Variants in L2HGDH observed in about 807,000 individuals in gnomAD.
The protein encoded by L2HGDH is L-2-hydroxyglutarate dehydrogenase, mitochondrial.
L2HGDH carries 34 observed loss-of-function variants against 51.5 expected under a neutral mutation model. The ratio of observed to expected loss-of-function variants is 0.66; its 90% CI spans 0.50 to 0.88. L2HGDH has a LOEUF of 0.88. Among genes scored for constraint, L2HGDH ranks in the 40% least tolerant of loss-of-function variants. The pLI is 0.00. For synonymous variants in L2HGDH, 198 were observed against 197.9 expected (o/e 1.00, Z -0.01); for missense variants, 558 against 571.9 (o/e 0.98, Z 0.25).
chr14:50,282,465 T>A (rs1316725356), intron 5 of L2HGDH: 2 of 455,930 alleles, frequency 4.4e-6, no homozygotes, highest in Admixed American at 2.3e-5. Flanking sequence ...GCTTTCCACC[T>A]GACATCTTTG....
intron 5 of L2HGDH, among the ~76,000 whole-genome samples, chr14:50,279,799 G>A (rs1296907484): frequency 6.6e-6 from 1 of 152,194 alleles, no homozygotes; most frequent in Non-Finnish European, 1.5e-5. Context: ...GGTGGCTTAC[G>A]CCTGTAACCC....
intron 5 of L2HGDH, chr14:50,282,350 C>A (rs1340159671): frequency 4.7e-6 from 2 of 424,686 alleles, no homozygotes; most frequent in East Asian, 1.4e-4. Flanking sequence ...CTTTCCTAGT[C>A]CAGCCTCTTA....
Position 50,302,061 on chromosome 14 carries a change from C to T in L2HGDH, c.364G>A (p.Glu122Lys), listed in dbSNP as rs758181319. Reference sequence around the variant, plus strand: ...GAAATTCCCTTTTGCTGACAGTACTCATAGAGGAGGGCTGCACCTTGTACA... The same window carrying T: ...GAAATTCCCTTTTGCTGACAGTACTTATAGAGGAGGGCTGCACCTTGTACA... ...LCVQGAALLY[E>K]YCQQKGISYK... Residue 122 changes from glutamate (E) to lysine (K), a missense_variant, in exon 3 of 10, where the codon GAG becomes AAG. By Grantham distance (56) the Glu-to-Lys change is moderately conservative. Transcript: ENST00000267436. The T allele has an allele frequency of 1.1e-5, 17 of 1,614,144 alleles. No individual in the cohort carries two copies. Among genetic ancestry groups the T allele is most frequent in the Non-Finnish European group, 1.4e-5 (17 of 1,180,034 alleles).
chr14:50,311,536 C>A, intron 1 of L2HGDH: 1 of 449,652 alleles, frequency 2.2e-6, no homozygotes, highest in Non-Finnish European at 4.5e-6. Flanking sequence ...GAGCTGCCTC[C>A]GACGGGGGCA....
chr14:50,300,525 C>T (rs1291664992), intron 3 of L2HGDH, among the ~76,000 whole-genome samples: 1 of 152,036 alleles, frequency 6.6e-6, no homozygotes, highest in African/African-American at 2.4e-5. Flanking sequence ...GAACTCCTGA[C>T]CTCAAGTGAT....
Position 50,244,676 on chromosome 14 carries a change from A to G in L2HGDH, c.*2382T>C. The stretch of plus-strand genomic sequence containing the variant: ...TTACCTGGGATGTGCTACTTCTTAA[A>G]CATGAGCTGATGAAGTGTAGCCTTT... On this transcript the variant is annotated 3_prime_UTR_variant, in exon 10 of 10. Coordinates refer to ENST00000267436, the MANE Select transcript of L2HGDH (RefSeq NM_024884.3). 3.0e-6 allele frequency: 3 copies of G among 985,440 alleles called. No individual in the cohort carries two copies. The highest frequency in any genetic ancestry group is 3.6e-6 in the Non-Finnish European group (3 of 829,930). The allele number at this position is 985,440 out of a possible 1,614,324, so 61.0% of individuals were successfully genotyped here.
intron 9 of L2HGDH, among the ~76,000 whole-genome samples, chr14:50,261,028 A>G (rs1457643254): frequency 2.0e-5 from 3 of 152,080 alleles, no homozygotes; most frequent in Non-Finnish European, 4.4e-5. Flanking sequence ...AAGTCAGGAG[A>G]ATCGCTTGAA....
At chr14:50,303,432 C>T (rs1031667001) in intron 1 of L2HGDH, among the ~76,000 whole-genome samples, 1 of 149,200 alleles carries the variant, frequency 6.7e-6, no homozygotes, top group African/African-American at 2.5e-5. Flanking sequence ...ATGTATTGGG[C>T]CCTGTGCTGT....
intron 6 of L2HGDH, among the ~76,000 whole-genome samples, chr14:50,276,684 C>T (rs771432811): frequency 5.9e-5 from 9 of 152,200 alleles, no homozygotes; most frequent in Non-Finnish European, 1.3e-4. Context: ...AGTAAGAAGG[C>T]AGCCATTAAC....
chr14:50,287,992 C>T (rs12436501), intron 4 of L2HGDH, among the ~76,000 whole-genome samples: 55,050 of 151,890 alleles, frequency 0.36, 10,736 homozygotes, highest in East Asian at 0.65. Flanking sequence ...GCCACCATGC[C>T]CAGCCAATAG....
At position 50,244,846 on chromosome 14, in the gene L2HGDH, G is replaced by A; in HGVS notation, c.*2212C>T. 1.0e-6 allele frequency: 1 copy of A among 985,380 alleles called. No individual in the cohort carries two copies. The highest frequency in any genetic ancestry group is 1.7e-5 in the African/African-American group (1 of 57,314). The allele number at this position is 985,380 out of a possible 1,614,324, so 61.0% of individuals were successfully genotyped here. A position where few individuals can be genotyped will look rare whatever the true frequency, so the allele number is the denominator to read the frequency against. ...ATCATACAGCTTTGGAGAGCTAAGA[G>A]GAAAGAAGACATACACAGTAGAAGA... On this transcript the variant is annotated 3_prime_UTR_variant, in exon 10 of 10. Transcript: ENST00000267436.
chr14:50,249,123 C>T (rs1888180792), intron 9 of L2HGDH, among the ~76,000 whole-genome samples: 1 of 152,212 alleles, frequency 6.6e-6, no homozygotes, highest in African/African-American at 2.4e-5. Context: ...GGACCTGCCC[C>T]AGCTAGACAG....
intron 9 of L2HGDH, among the ~76,000 whole-genome samples, chr14:50,260,124 G>A (rs1040669898): frequency 1.3e-5 from 2 of 152,066 alleles, no homozygotes; most frequent in African/African-American, 2.4e-5. Flanking sequence ...GCACTTTGAG[G>A]GATTCTAGAT....
rs749417245 is a variant in L2HGDH, at chr14:50,278,515, T to C, written c.738+5A>G. On this transcript the variant is annotated splice_donor_5th_base_variant and intron_variant, in intron 6 of 9. Coordinates refer to ENST00000267436, the MANE Select transcript of L2HGDH (RefSeq NM_024884.3). ...TAGCCAGCAGTTTTGCTTAAGAATC[T>C]TTACCTTTGTATTCTTTATAACAAT... 3 of 1,488,584 alleles carry C rather than the reference T, an allele frequency of 2.0e-6. No individual in the cohort carries two copies. The allele number at this position is 1,488,584 out of a possible 1,614,324, so 92.2% of individuals were successfully genotyped here.
At chr14:50,306,540 T>C (rs568117312) in intron 1 of L2HGDH, among the ~76,000 whole-genome samples, 6 of 152,032 alleles carry the variant, frequency 3.9e-5, no homozygotes, top group African/African-American at 1.2e-4. Context: ...TTGACTTCCA[T>C]AATAATGCTT....
At chr14:50,266,734 T>C (rs927101318) in intron 8 of L2HGDH, among the ~76,000 whole-genome samples, 13 of 152,218 alleles carry the variant, frequency 8.5e-5, no homozygotes, top group African/African-American at 3.1e-4. Flanking sequence ...CATCCTAAAC[T>C]TTCTGTTTCA....
intron 5 of L2HGDH, among the ~76,000 whole-genome samples, chr14:50,279,917 G>A (rs1890170031): frequency 6.6e-6 from 1 of 151,680 alleles, no homozygotes; most frequent in South Asian, 2.1e-4. Context: ...AAAATTAGCT[G>A]GGCATGGTGG....
intron 8 of L2HGDH, among the ~76,000 whole-genome samples, 197 bp from the exon 9 acceptor site, chr14:50,265,686 G>T (rs1410439893): frequency 6.6e-6 from 1 of 152,150 alleles, no homozygotes; most frequent in Non-Finnish European, 1.5e-5. Flanking sequence ...GGTCAAGGCG[G>T]GCGGAATACT....
intron 5 of L2HGDH, among the ~76,000 whole-genome samples, chr14:50,280,311 C>T (rs1172925777): frequency 6.6e-6 from 1 of 151,576 alleles, no homozygotes; most frequent in East Asian, 2.0e-4. Flanking sequence ...GGATTACAGG[C>T]ACGTATCACC....
Sources: gnomAD v4.1 joint callset for allele counts (sites outside exome capture counted in the v4.1 genomes callset) on GRCh38, gnomAD v4.1.1 for gene constraint, MANE v1.5 for transcripts, NCBI Gene and HGNC (gene_info 2026-07-23, HGNC 2026-07-21) for gene names.